Variants in GRM5 observed in about 807,000 individuals in gnomAD.
The protein encoded by GRM5 is metabotropic glutamate receptor 5.
Under a neutral mutation model 83.1 loss-of-function variants are expected in GRM5, and 19 were observed. That is an observed-to-expected ratio of 0.23 (90% CI 0.16 to 0.34). The LOEUF (loss-of-function observed/expected upper bound fraction) is 0.34, where lower values mean the gene tolerates loss of function less well. GRM5 is among the 10% of genes least tolerant of loss of function. GRM5 has a pLI of 1.00. For missense variants in GRM5, 1,160 were observed against 1,588.3 expected (o/e 0.73, Z 4.58); for synonymous variants, 675 against 633.6 (o/e 1.07, Z -0.98).
intron 2 of GRM5, among the ~76,000 whole-genome samples, chr11:88,851,171 T>C (rs777023643): frequency 1.3e-5 from 2 of 152,208 alleles, no homozygotes; most frequent in African/African-American, 2.4e-5. Flanking sequence ...CTCTTTCCCA[T>C]TTCAGAGTGA....
At chr11:88,984,586 A>G (rs1565320760) in intron 2 of GRM5, 1 of 455,542 alleles carries the variant, frequency 2.2e-6, no homozygotes. Context: ...TATCTTTATT[A>G]TCTTAACTCT....
intron 3 of GRM5, among the ~76,000 whole-genome samples, chr11:88,829,374 T>C (rs1204735691): frequency 1.3e-5 from 2 of 152,018 alleles, no homozygotes; most frequent in Non-Finnish European, 2.9e-5. Flanking sequence ...GGCGAGAGAA[T>C]TGCTTGAATC....
At chr11:88,524,790 A>G (rs1426403458) in intron 9 of GRM5, among the ~76,000 whole-genome samples, 3 of 152,210 alleles carry the variant, frequency 2.0e-5, no homozygotes, top group Non-Finnish European at 4.4e-5. Flanking sequence ...TCTACAGTCC[A>G]CTAGTTTGGC....
At chr11:88,722,716 T>C (rs1195258996) in intron 3 of GRM5, among the ~76,000 whole-genome samples, 1 of 152,184 alleles carries the variant, frequency 6.6e-6, no homozygotes, top group Non-Finnish European at 1.5e-5. Flanking sequence ...TAGATTTTAA[T>C]TTTTAGCATA....
chr11:89,051,162 A>G (rs1029452834), intron 1 of GRM5, among the ~76,000 whole-genome samples: 1 of 152,112 alleles, frequency 6.6e-6, no homozygotes, highest in African/African-American at 2.4e-5. Flanking sequence ...AGGCTGAAGC[A>G]GGAGAATGGC....
chr11:88,927,452 G>A (rs3915875), intron 2 of GRM5, among the ~76,000 whole-genome samples: 3,066 of 152,204 alleles, frequency 0.02, 49 homozygotes, highest in East Asian at 0.068. Context: ...GCACATATTT[G>A]TCATTATTTA....
At chr11:88,514,374 T>C (rs922172471) in intron 9 of GRM5, among the ~76,000 whole-genome samples, 21 of 152,186 alleles carry the variant, frequency 1.4e-4, no homozygotes, top group African/African-American at 4.1e-4. Flanking sequence ...TTATTTTTCC[T>C]GTTTTTCCCT....
chr11:88,914,582 G>A (rs1375858082), intron 2 of GRM5, among the ~76,000 whole-genome samples: 8 of 152,144 alleles, frequency 5.3e-5, no homozygotes, highest in African/African-American at 1.9e-4. Context: ...TAAGGCAGTG[G>A]CAGCAGGTGG....
At chr11:88,973,150 G>C (rs1362585213) in intron 2 of GRM5, among the ~76,000 whole-genome samples, 2 of 151,986 alleles carry the variant, frequency 1.3e-5, no homozygotes, top group African/African-American at 4.8e-5. Flanking sequence ...ATGTAAGTGG[G>C]GTCTGTGGAC....
intron 4 of GRM5, chr11:88,612,809 A>G (rs1938361721): frequency 6.6e-6 from 1 of 152,284 alleles, no homozygotes; most frequent in Non-Finnish European, 1.5e-5. Context: ...ACTTTTAAAA[A>G]TATGGAACGC....
In GRM5 at chr11:88,653,151, A is replaced by G. The variant is rs1445420474; in HGVS notation, c.1147+17T>C. On this transcript the variant is annotated intron_variant, in intron 4 of 9. Coordinates refer to ENST00000305447, the MANE Select transcript of GRM5 (RefSeq NM_001143831.3). ...CTTAGCCTTATGCATTTTAAATGAA[A>G]TAATAAATCTGCTTACTATTGCAAG... 1 of 1,432,154 alleles carries G rather than the reference A, an allele frequency of 7.0e-7. No individual in the cohort carries two copies. The highest frequency in any genetic ancestry group is 1.7e-5 in the Admixed American group (1 of 59,200). 88.7% of individuals were successfully genotyped at this position (1,432,154 alleles called of 1,614,324 possible). A position where few individuals can be genotyped will look rare whatever the true frequency, so the allele number is the denominator to read the frequency against.
At chr11:89,032,372 A>G (rs1178829943) in intron 2 of GRM5, among the ~76,000 whole-genome samples, 3 of 152,092 alleles carry the variant, frequency 2.0e-5, no homozygotes, top group African/African-American at 7.2e-5. Flanking sequence ...TAGAACATAC[A>G]TTTGTTGTGA....
chr11:88,979,296 G>A (rs746000829), intron 2 of GRM5, among the ~76,000 whole-genome samples: 2 of 152,096 alleles, frequency 1.3e-5, no homozygotes, highest in African/African-American at 4.8e-5. Flanking sequence ...TCATAACGCC[G>A]GGAGGGTTTA....
At chr11:88,850,356 G>C (rs564840600) in intron 2 of GRM5, among the ~76,000 whole-genome samples, 2 of 152,084 alleles carry the variant, frequency 1.3e-5, no homozygotes, top group African/African-American at 2.4e-5. Flanking sequence ...TATATGCATT[G>C]ATCATTTATA....
chr11:88,602,699 A>G (rs1938033787), intron 5 of GRM5, among the ~76,000 whole-genome samples: 1 of 152,218 alleles, frequency 6.6e-6, no homozygotes, highest in Non-Finnish European at 1.5e-5. Flanking sequence ...AGCCCAGGAG[A>G]CAGAGTTAAA....
chr11:88,860,156 T>C (rs889993101), intron 2 of GRM5, among the ~76,000 whole-genome samples: 42 of 152,190 alleles, frequency 2.8e-4, no homozygotes, highest in African/African-American at 1.0e-3. Flanking sequence ...GGTTTGAGAT[T>C]TCCATAATGA....
At chr11:88,996,624 T>C (rs935060950) in intron 2 of GRM5, among the ~76,000 whole-genome samples, 1 of 152,188 alleles carries the variant, frequency 6.6e-6, no homozygotes, top group African/African-American at 2.4e-5. Context: ...GAACTAGACA[T>C]AAAATCAGTA....
chr11:88,516,722 G>GT (rs1358314700), intron 9 of GRM5, among the ~76,000 whole-genome samples: 1,272 of 20,280 alleles, frequency 0.063, 19 homozygotes, highest in African/African-American at 0.2. Context: ...TGATTATCCT[G>GT]GTTTTTTTTT....
chr11:88,821,357 A>G (rs1295052391), intron 3 of GRM5, among the ~76,000 whole-genome samples: 1 of 148,600 alleles, frequency 6.7e-6, no homozygotes, highest in Non-Finnish European at 1.5e-5. Context: ...AAAAAAAAAA[A>G]AAAAAGAAAA....
Sources: gnomAD v4.1 joint callset for allele counts (sites outside exome capture counted in the v4.1 genomes callset) on GRCh38, gnomAD v4.1.1 for gene constraint, MANE v1.5 for transcripts, NCBI Gene and HGNC (gene_info 2026-07-23, HGNC 2026-07-21) for gene names.